PPM1H: variants seen among roughly 807,000 people sequenced by gnomAD.
PPM1H encodes the protein protein phosphatase, Mg2+/Mn2+ dependent 1H.
PPM1H carries 27 observed loss-of-function variants against 54.9 expected under a neutral mutation model. The ratio of observed to expected loss-of-function variants is 0.49; its 90% CI spans 0.36 to 0.68. PPM1H has a LOEUF of 0.68. PPM1H is among the 30% of genes least tolerant of loss of function. PPM1H has a pLI of 0.00. For missense variants in PPM1H, 596 were observed against 667.8 expected, an observed-to-expected ratio of 0.89 and a Z score of 1.19; for synonymous variants, 305 against 270.8, an observed-to-expected ratio of 1.13 and a Z score of -1.24.
At chr12:62,895,273 G>A (rs968724965) in intron 1 of PPM1H, among the ~76,000 whole-genome samples, 1 of 152,166 alleles carries the variant, frequency 6.6e-6, no homozygotes, top group Non-Finnish European at 1.5e-5. Flanking sequence ...GTCTCAGAAA[G>A]AATTAAGGAG....
intron 2 of PPM1H, among the ~76,000 whole-genome samples, chr12:62,830,341 T>C (rs781265908): frequency 5.3e-5 from 8 of 152,080 alleles, no homozygotes; most frequent in Middle Eastern, 3.2e-3. Flanking sequence ...CTGCAAGCTC[T>C]GCCTCCTGGG....
chr12:62,700,833 A>T (rs986392179), intron 6 of PPM1H, among the ~76,000 whole-genome samples: 1 of 152,190 alleles, frequency 6.6e-6, no homozygotes, highest in African/African-American at 2.4e-5. Context: ...AAGGTTTTCT[A>T]TTGCGATCTA....
chr12:62,651,515 A>G (rs535747582), intron 9 of PPM1H, among the ~76,000 whole-genome samples: 2 of 152,336 alleles, frequency 1.3e-5, no homozygotes, highest in African/African-American at 4.8e-5. Flanking sequence ...TATTTTTAAA[A>G]AGCAAGGATT....
At position 62,792,078 on chromosome 12, in the gene PPM1H, G is replaced by A. The variant is rs529694388; in HGVS notation, c.757-3740C>T. Among the ~76,000 whole-genome samples, 191 of 152,328 alleles carry A rather than the reference G, an allele frequency of 1.3e-3. 3 individuals carry two copies. The highest frequency in any genetic ancestry group is 3.7e-3 in the African/African-American group (155 of 41,574). Reference sequence around the variant, plus strand: ...AAGTCCACGTAACAGGGCCGTCCACGGCAACAAATTCCTTTGGGACTCAGT... The same window carrying A: ...AAGTCCACGTAACAGGGCCGTCCACAGCAACAAATTCCTTTGGGACTCAGT... On this transcript the variant is annotated intron_variant, in intron 3 of 9. Transcript: ENST00000228705.
chr12:62,675,629 A>G (rs1211792159), intron 8 of PPM1H, among the ~76,000 whole-genome samples: 1 of 152,146 alleles, frequency 6.6e-6, no homozygotes, highest in African/African-American at 2.4e-5. Context: ...AATAGTTTTG[A>G]TTTGCGCCTG....
Position 62,648,412 on chromosome 12 carries a change from G to A in PPM1H, c.*77C>T. ...ACTGCATCACTTGGAACTCAGCTGG[G>A]GCACTTCCCAGTTCCGTCCTGCCAA... is the stretch of plus-strand genomic sequence containing the variant. On this transcript the variant is annotated 3_prime_UTR_variant, in exon 10 of 10. Transcript: ENST00000228705. The A allele has an allele frequency of 1.3e-6, 2 of 1,547,862 alleles. No individual in the cohort carries two copies. The highest frequency in any genetic ancestry group is 1.2e-5 in the South Asian group (1 of 83,404).
intron 2 of PPM1H, among the ~76,000 whole-genome samples, chr12:62,803,867 A>T (rs1210365143): frequency 6.6e-6 from 1 of 152,244 alleles, no homozygotes; most frequent in East Asian, 1.9e-4. Context: ...AAACAAAACA[A>T]AACAAGCAAG....
chr12:62,777,387 C>T (rs1236116174), intron 4 of PPM1H, among the ~76,000 whole-genome samples: 1 of 152,238 alleles, frequency 6.6e-6, no homozygotes. Flanking sequence ...GAGACCTCAT[C>T]TGCCTACTTC....
chr12:62,718,743 T>G (rs1283083734), intron 6 of PPM1H, among the ~76,000 whole-genome samples: 1 of 152,228 alleles, frequency 6.6e-6, no homozygotes, highest in Non-Finnish European at 1.5e-5. Flanking sequence ...CATTAAACTT[T>G]TCCTGTACAA....
At chr12:62,742,461 G>A (rs771441725) in intron 4 of PPM1H, among the ~76,000 whole-genome samples, 1 of 152,112 alleles carries the variant, frequency 6.6e-6, no homozygotes, top group Non-Finnish European at 1.5e-5. Context: ...TCTGGAGTAG[G>A]GCAATGAGAC....
At chr12:62,704,162 A>G (rs1055103646) in intron 6 of PPM1H, among the ~76,000 whole-genome samples, 1 of 152,130 alleles carries the variant, frequency 6.6e-6, no homozygotes, top group African/African-American at 2.4e-5. Flanking sequence ...ACAGAGCTGC[A>G]CTGTGAAGGA....
chr12:62,880,414 A>G (rs116844605), intron 1 of PPM1H, among the ~76,000 whole-genome samples: 5 of 152,300 alleles, frequency 3.3e-5, no homozygotes, highest in South Asian at 2.1e-4. Context: ...CTGAGCCCCA[A>G]GACTAGATCG....
intron 1 of PPM1H, among the ~76,000 whole-genome samples, chr12:62,929,721 A>T (rs1437642986): frequency 6.6e-6 from 1 of 152,164 alleles, no homozygotes; most frequent in African/African-American, 2.4e-5. Context: ...CCTAAGGGGG[A>T]TGATTTCTTT....
chr12:62,924,538 G>A (rs1461529062), intron 1 of PPM1H, among the ~76,000 whole-genome samples: 1 of 152,172 alleles, frequency 6.6e-6, no homozygotes, highest in East Asian at 1.9e-4. Context: ...ATAAGGAGAT[G>A]CGAATTTACT....
chr12:62,652,776 C>G (rs902623693), intron 9 of PPM1H, among the ~76,000 whole-genome samples: 2 of 151,168 alleles, frequency 1.3e-5, no homozygotes, highest in Non-Finnish European at 3.0e-5. Flanking sequence ...TTTTTTTGAG[C>G]CTGCCTTAAT....
intron 1 of PPM1H, among the ~76,000 whole-genome samples, chr12:62,895,357 T>C (rs551008566): frequency 2.6e-5 from 4 of 152,218 alleles, no homozygotes; most frequent in Non-Finnish European, 5.9e-5. Context: ...TGACCCTAAA[T>C]GGACAAGTTC....
At chr12:62,695,880 A>T (rs1253576318) in intron 6 of PPM1H, among the ~76,000 whole-genome samples, 1 of 152,120 alleles carries the variant, frequency 6.6e-6, no homozygotes, top group Admixed American at 6.5e-5. Context: ...GGGATTGAAG[A>T]CCCCATGTGG....
At position 62,782,600 on chromosome 12, in the gene PPM1H, C is replaced by G. The variant is rs112446477; in HGVS notation, c.869+5626G>C. Among the ~76,000 whole-genome samples, 611 of 152,200 alleles carry G rather than the reference C, an allele frequency of 4.0e-3. 5 individuals carry two copies. The highest frequency in any genetic ancestry group is 0.014 in the African/African-American group (580 of 41,534). On this transcript the variant is annotated intron_variant, in intron 4 of 9. Coordinates refer to ENST00000228705, the MANE Select transcript of PPM1H (RefSeq NM_020700.2). ...CTAAAGAGCTAATGAATGACACATT[C>G]GACTTTCCCTACCCTTTCCTAGGAG...
chr12:62,749,239 T>C (rs2076428215), intron 4 of PPM1H, among the ~76,000 whole-genome samples: 1 of 152,198 alleles, frequency 6.6e-6, no homozygotes, highest in African/African-American at 2.4e-5. Context: ...AGAGTATTCA[T>C]GGGATGCCCT....
Sources: gnomAD v4.1 joint callset for allele counts (sites outside exome capture counted in the v4.1 genomes callset) on GRCh38, gnomAD v4.1.1 for gene constraint, MANE v1.5 for transcripts, NCBI Gene and HGNC (gene_info 2026-07-23, HGNC 2026-07-21) for gene names.